FGF13: variants seen among roughly 807,000 people sequenced by gnomAD.
FGF13 encodes fibroblast growth factor homologous factor 2.
FGF13 carries 2 observed loss-of-function variants against 19.5 expected under a neutral mutation model. That is an observed-to-expected ratio of 0.10 (90% CI 0.04 to 0.32). The LOEUF is 0.32. FGF13 is among the 10% of genes least tolerant of loss of function. FGF13 has a pLI of 1.00. For synonymous variants in FGF13, 72 were observed against 76.9 expected (o/e 0.94, Z 0.33); for missense variants, 113 against 192.7 (o/e 0.59, Z 2.45).
In FGF13 at chrX:138,627,859, A is replaced by G. The variant is rs1232636669; in HGVS notation, c.*4991T>C. 9.0e-6 allele frequency: 1 copy of G among 110,528 alleles called. No homozygotes were observed. The highest frequency in any genetic ancestry group is 1.9e-5 in the Non-Finnish European group (1 of 52,940). 9.1% of individuals were successfully genotyped at this position (110,528 alleles called of 1,213,427 possible). A position where few individuals can be genotyped will look rare whatever the true frequency, so the allele number is the denominator to read the frequency against. On this transcript the variant is annotated 3_prime_UTR_variant, in exon 5 of 5. Coordinates refer to ENST00000315930, the MANE Select transcript of FGF13 (RefSeq NM_004114.5). The stretch of plus-strand genomic sequence containing the variant: ...CCACATAGAAATTGGAAAATCCCCA[A>G]AATGATGCCATGTATTATACTTGTC...
rs149797634 is a variant in FGF13 at position 138,723,722 on chromosome X, A to G, written c.29-14794T>C. On this transcript the variant is annotated intron_variant, in intron 1 of 4. Transcript: ENST00000305414. The stretch of plus-strand genomic sequence containing the variant: ...AATTAGTTAACAAGAAGGGAACGTT[A>G]CAATTCACTGCTGTGAAGCAGAACT... 8.0e-4 allele frequency among the ~76,000 whole-genome samples: 90 copies of G among 112,356 alleles called. 2 individuals carry two copies. The highest frequency in any genetic ancestry group is 3.3e-3 in the South Asian group (9 of 2,703).
At chrX:139,018,234 G>A (rs963320214) in intron 1 of FGF13, among the ~76,000 whole-genome samples, 14 of 111,621 alleles carry the variant, frequency 1.3e-4, no homozygotes, top group African/African-American at 4.6e-4. Context: ...AACCTGCACT[G>A]AGTAATCCAC....
intron 3 of FGF13, among the ~76,000 whole-genome samples, chrX:138,766,073 A>C (rs1277248530): frequency 8.9e-6 from 1 of 111,856 alleles, no homozygotes; most frequent in Non-Finnish European, 1.9e-5. Context: ...TACATAACTG[A>C]CTTAATTCTT....
intron 1 of FGF13, among the ~76,000 whole-genome samples, chrX:138,865,491 C>G (rs1407603187): frequency 9.8e-6 from 1 of 101,910 alleles, no homozygotes; most frequent in Non-Finnish European, 2.0e-5. Flanking sequence ...TCTCTCCTCT[C>G]TCTCTCCTCT....
rs748483255 is a variant in FGF13, at chrX:139,092,386, A to G, written c.-113+111030T>C. Among the ~76,000 whole-genome samples, 10 of 112,705 alleles carry G rather than the reference A, an allele frequency of 8.9e-5. No homozygotes were observed. In the South Asian group the frequency reaches 3.7e-3, roughly 41 times the overall value. On this transcript the variant is annotated intron_variant, in intron 1 of 2. Coordinates refer to the FGF13 transcript ENST00000421460. ...CTCAAATCTTAAATTTTATGATCTC[A>G]TCAACACATTCCTACTGATTGCTTT...
intron 1 of FGF13, among the ~76,000 whole-genome samples, chrX:139,156,041 G>A (rs896504452): frequency 1.8e-4 from 20 of 111,374 alleles, no homozygotes; most frequent in African/African-American, 6.6e-4. Context: ...CTTTCCCACA[G>A]GCAGGGAAAG....
chrX:139,048,886 TA>T (rs2075829192), intron 1 of FGF13, among the ~76,000 whole-genome samples: 2 of 111,416 alleles, frequency 1.8e-5, no homozygotes, highest in African/African-American at 6.5e-5. Flanking sequence ...TTCCTATTTA[TA>T]AAACTAATTT....
intron 1 of FGF13, among the ~76,000 whole-genome samples, chrX:138,958,855 A>G (rs2091854995): frequency 9.0e-6 from 1 of 111,149 alleles, no homozygotes; most frequent in South Asian, 3.8e-4. Flanking sequence ...TTTCTGTGGG[A>G]TCGGTGGTGA....
At chrX:138,796,912 T>C (rs757868030) in intron 3 of FGF13, among the ~76,000 whole-genome samples, 4 of 112,297 alleles carry the variant, frequency 3.6e-5, no homozygotes, top group African/African-American at 9.7e-5. Context: ...GGTTGTTTTT[T>C]TCTTGTAAAT....
chrX:138,979,593 A>G (rs909556492), intron 1 of FGF13, among the ~76,000 whole-genome samples: 1 of 110,065 alleles, frequency 9.1e-6, no homozygotes, highest in Admixed American at 9.8e-5. Flanking sequence ...AGAGAGACAG[A>G]CATACTTCTC....
At chrX:138,785,727 G>A (rs1306950142) in intron 3 of FGF13, among the ~76,000 whole-genome samples, 2 of 111,268 alleles carry the variant, frequency 1.8e-5, no homozygotes, top group South Asian at 3.8e-4. Context: ...AAATGACCTC[G>A]GCCTCATTCA....
intron 3 of FGF13, among the ~76,000 whole-genome samples, chrX:138,794,763 G>A (rs1162297008): frequency 9.0e-6 from 1 of 111,478 alleles, no homozygotes; most frequent in Admixed American, 9.5e-5. Context: ...AGCAAAATTC[G>A]GTGTGCTTTT....
intron 1 of FGF13, among the ~76,000 whole-genome samples, chrX:139,178,634 G>A (rs2084212572): frequency 8.9e-6 from 1 of 112,262 alleles, no homozygotes; most frequent in Admixed American, 9.4e-5. Flanking sequence ...TTGTGATTAT[G>A]AGAGACAAGA....
intron 1 of FGF13, among the ~76,000 whole-genome samples, chrX:139,002,729 AT>A (rs2092079304): frequency 9.0e-6 from 1 of 111,275 alleles, no homozygotes; most frequent in Non-Finnish European, 1.9e-5. Flanking sequence ...GTGAGTTCTC[AT>A]TTCCAGGCCC....
chrX:139,058,800 T>C, intron 1 of FGF13, among the ~76,000 whole-genome samples: 1 of 111,042 alleles, frequency 9.0e-6, no homozygotes, highest in Non-Finnish European at 1.9e-5. Flanking sequence ...CCATGCTCTT[T>C]CGTATATGCA....
rs754479369 is a variant in FGF13 at position 138,622,495 on chromosome X, G to A, written c.*10355C>T. 8.9e-6 allele frequency: 1 copy of A among 112,305 alleles called. No individual in the cohort carries two copies. Among genetic ancestry groups the A allele is most frequent in the East Asian group, 2.8e-4 (1 of 3,567 alleles). 9.3% of individuals were successfully genotyped at this position (112,305 alleles called of 1,213,427 possible). On this transcript the variant is annotated 3_prime_UTR_variant, in exon 5 of 5. Coordinates refer to ENST00000315930, the MANE Select transcript of FGF13 (RefSeq NM_004114.5). ...TATATGACAAACTCACATCTAACGT[G>A]ATAGTCAGTAGTGAAATGCTGAAAG...
intron 3 of FGF13, among the ~76,000 whole-genome samples, chrX:138,824,713 A>C (rs774643930): frequency 3.6e-5 from 4 of 111,631 alleles, no homozygotes; most frequent in African/African-American, 1.3e-4. Flanking sequence ...AAGTATATTC[A>C]AAGAGCCCAT....
chrX:138,687,243 C>T (rs529030252), intron 3 of FGF13, among the ~76,000 whole-genome samples: 1 of 111,565 alleles, frequency 9.0e-6, no homozygotes, highest in Non-Finnish European at 1.9e-5. Flanking sequence ...TGCATACTGT[C>T]CACCTAACAA....
intron 3 of FGF13, among the ~76,000 whole-genome samples, chrX:138,820,850 T>TC (rs1412340326): frequency 1.8e-5 from 2 of 110,882 alleles, no homozygotes; most frequent in African/African-American, 6.6e-5. Flanking sequence ...TGCATGGTGC[T>TC]CCTAGATAAT....
Sources: allele counts gnomAD v4.1 joint callset (sites outside exome capture counted in the v4.1 genomes callset), GRCh38; gene constraint gnomAD v4.1.1; transcripts MANE v1.5; gene names NCBI Gene and HGNC (gene_info 2026-07-23, HGNC 2026-07-21).